Variants in CEP89 observed in about 807,000 individuals in gnomAD.
CEP89 encodes the protein centrosomal protein of 89 kDa.
CEP89 carries 95 observed loss-of-function variants against 97.6 expected under a neutral mutation model. The observed-to-expected ratio is 0.97, with a 90% CI of 0.82 to 1.15. The LOEUF is 1.15. Ranked by LOEUF, CEP89 falls within the 50% of genes most tolerant of loss-of-function variation. The pLI is 0.00. For missense variants in CEP89, 869 were observed against 947.7 expected, an observed-to-expected ratio of 0.92 and a Z score of 1.09; for synonymous variants, 354 against 349.1, an observed-to-expected ratio of 1.01 and a Z score of -0.16.
Position 32,933,667 on chromosome 19 carries a change from T to C in CEP89, c.670A>G (p.Ile224Val). The change falls in exon 8 of 19, where the codon ATA (isoleucine) becomes GTA (valine). Residue 224 changes from isoleucine (I) to valine (V), a missense_variant and splice_region_variant. Coordinates refer to ENST00000305768, the MANE Select transcript of CEP89 (RefSeq NM_032816.5). ...LCEKPPPSPDITGRARQRYTE... is the reference protein window; with the variant it reads ...LCEKPPPSPDVTGRARQRYTE... ...TATCTTTGACGTGCTCTACCAGTTATATCTGAAAGGGTTCAGGGGAAAATT... is the reference window on the plus strand; with the variant it reads ...TATCTTTGACGTGCTCTACCAGTTACATCTGAAAGGGTTCAGGGGAAAATT... 3 of 1,592,630 alleles carry C rather than the reference T, an allele frequency of 1.9e-6. No individual in the cohort carries two copies. The highest frequency in any genetic ancestry group is 1.1e-5 in the South Asian group (1 of 89,942).
At chr19:32,955,497 A>T (rs1971026848) in intron 3 of CEP89, among the ~76,000 whole-genome samples, 1 of 152,116 alleles carries the variant, frequency 6.6e-6, no homozygotes, top group East Asian at 1.9e-4. Flanking sequence ...AAACCGCCAT[A>T]GAGTAAATTC....
chr19:32,885,894 G>A (rs959639959), intron 17 of CEP89, among the ~76,000 whole-genome samples: 1 of 152,018 alleles, frequency 6.6e-6, no homozygotes. Flanking sequence ...TGTCTTTCTC[G>A]GTTCTAGCTG....
intron 3 of CEP89, among the ~76,000 whole-genome samples, chr19:32,954,628 C>T (rs1272476186): frequency 6.6e-6 from 1 of 151,696 alleles, no homozygotes; most frequent in African/African-American, 2.4e-5. Context: ...GCTAGGATTA[C>T]AGGCATGAGC....
intron 13 of CEP89, chr19:32,917,680 G>T: frequency 5.3e-6 from 2 of 379,530 alleles, no homozygotes; most frequent in Non-Finnish European, 7.2e-6. Context: ...CCTTACAGTT[G>T]TGCACTGTCA....
chr19:32,926,073 A>T (rs1243739203), intron 11 of CEP89, 117 bp downstream of exon 11: 9 of 761,136 alleles, frequency 1.2e-5, no homozygotes, highest in Non-Finnish European at 2.0e-5. Context: ...TCCTCTAATA[A>T]ACATTTGGTT....
rs563590908 is a variant in CEP89 at position 32,934,991 on chromosome 19, G to A, written c.668-1322C>T. ...ATAAAATTATATTTAAAAAGAAGCA[G>A]CTTGAAGCAGCTGATGAGCTGTTGA... On this transcript the variant is annotated intron_variant, in intron 7 of 18. Coordinates refer to ENST00000305768, the MANE Select transcript of CEP89 (RefSeq NM_032816.5). 3.3e-4 allele frequency among the ~76,000 whole-genome samples: 51 copies of A among 152,324 alleles called. 1 individual carries two copies. The South Asian group carries it at 9.9e-3, about 30-fold the overall frequency.
chr19:32,895,020 T>C (rs1479295077), intron 16 of CEP89, among the ~76,000 whole-genome samples: 1 of 152,170 alleles, frequency 6.6e-6, no homozygotes, highest in South Asian at 2.1e-4. Context: ...CAGGACCAGA[T>C]GGTTTTTCTG....
intron 1 of CEP89, chr19:32,970,611 C>T (rs552369805): frequency 3.9e-5 from 6 of 152,248 alleles, no homozygotes; most frequent in Non-Finnish European, 8.8e-5. Context: ...ATTATCCCAC[C>T]TCAACCTCCC....
intron 14 of CEP89, 124 bp downstream of exon 14, chr19:32,915,213 C>T (rs1970095868): frequency 2.2e-6 from 2 of 888,986 alleles, no homozygotes; most frequent in Admixed American, 3.3e-5. Context: ...AATCCCAAAA[C>T]TTTGAGAGGC....
intron 3 of CEP89, among the ~76,000 whole-genome samples, chr19:32,958,094 C>T (rs1293770258): frequency 4.0e-5 from 6 of 150,214 alleles, no homozygotes; most frequent in South Asian, 4.2e-4. Flanking sequence ...GATGGTCTTA[C>T]GTGCTTATTT....
In CEP89 at chr19:32,895,731, A is replaced by G. The variant is rs140631087; in HGVS notation, c.1875+4126T>C. 1.8e-3 allele frequency among the ~76,000 whole-genome samples: 259 copies of G among 144,906 alleles called. 2 individuals are homozygous for G. Among genetic ancestry groups the G allele is most frequent in the African/African-American group, 6.5e-3 (252 of 38,712 alleles). ...TATTTAGAAAAAACTAGACTTCACC[A>G]AACGACTCTTAGATCTGATAAAAAA... On this transcript the variant is annotated intron_variant, in intron 16 of 18. Coordinates refer to ENST00000305768, the MANE Select transcript of CEP89 (RefSeq NM_032816.5).
At chr19:32,958,754 C>T (rs898387051) in intron 3 of CEP89, among the ~76,000 whole-genome samples, 10 of 152,078 alleles carry the variant, frequency 6.6e-5, no homozygotes, top group African/African-American at 2.4e-4. Context: ...TGGTGGCTCA[C>T]GTTTGTAATC....
At chr19:32,910,017 T>A (rs985434348) in intron 14 of CEP89, among the ~76,000 whole-genome samples, 1 of 152,098 alleles carries the variant, frequency 6.6e-6, no homozygotes, top group Admixed American at 6.6e-5. Flanking sequence ...TCCCAGCACT[T>A]TGGGAGGCTG....
chr19:32,960,091 G>C, intron 2 of CEP89, 33 bp from the exon 3 acceptor site: 6 of 1,612,072 alleles, frequency 3.7e-6, no homozygotes, highest in Middle Eastern at 1.7e-4. Context: ...GAGACAGTGA[G>C]ACATGAACAT....
intron 4 of CEP89, 146 bp from the exon 5 acceptor site, chr19:32,948,514 C>A: frequency 1.9e-6 from 1 of 538,570 alleles, no homozygotes; most frequent in Non-Finnish European, 3.3e-6. Flanking sequence ...TCCTCAGTGA[C>A]ACACAAAAGG....
intron 14 of CEP89, 147 bp from the exon 15 acceptor site, chr19:32,901,559 A>C: frequency 4.0e-6 from 3 of 756,550 alleles, no homozygotes; most frequent in East Asian, 2.6e-5. Flanking sequence ...ACATCTCCCC[A>C]TCCTGGGCCC....
chr19:32,911,901 T>A (rs12608955), intron 14 of CEP89, among the ~76,000 whole-genome samples: 1 of 151,978 alleles, frequency 6.6e-6, no homozygotes, highest in Non-Finnish European at 1.5e-5. Flanking sequence ...TTCCCCCTTA[T>A]TACAAAAGTG....
At chr19:32,952,955 G>GA (rs1373538528) in intron 4 of CEP89, among the ~76,000 whole-genome samples, 1 of 137,034 alleles carries the variant, frequency 7.3e-6, no homozygotes, top group Admixed American at 7.3e-5. Flanking sequence ...TGAAAAGAAA[G>GA]AAAAAAATAA....
chr19:32,968,743 G>A (rs562161581), intron 1 of CEP89, among the ~76,000 whole-genome samples: 16 of 152,086 alleles, frequency 1.1e-4, no homozygotes, highest in African/African-American at 3.1e-4. Context: ...CTCTCTCAAC[G>A]GCAGGCAAAT....
Sources: allele counts gnomAD v4.1 joint callset (sites outside exome capture counted in the v4.1 genomes callset), GRCh38; gene constraint gnomAD v4.1.1; transcripts MANE v1.5; gene names NCBI Gene and HGNC (gene_info 2026-07-23, HGNC 2026-07-21).